Variants in ELF1 observed in about 807,000 individuals in gnomAD.
ELF1 encodes the protein ETS-related transcription factor Elf-1.
A neutral mutation model predicts 59.9 loss-of-function variants in ELF1; 24 were observed. That is an observed-to-expected ratio of 0.40 (90% CI 0.29 to 0.56). The LOEUF is 0.56. Among genes scored for constraint, ELF1 ranks in the 20% least tolerant of loss-of-function variants. The pLI is 0.44. For missense variants in ELF1, 627 were observed against 742.2 expected, an observed-to-expected ratio of 0.84 and a Z score of 1.80; for synonymous variants, 248 against 266.2, an observed-to-expected ratio of 0.93 and a Z score of 0.67.
intron 1 of ELF1, among the ~76,000 whole-genome samples, chr13:41,017,631 G>A (rs1284979732): frequency 6.6e-6 from 1 of 151,794 alleles, no homozygotes; most frequent in East Asian, 1.9e-4. Flanking sequence ...TCTCTATCAC[G>A]TAAGAAAATA....
At chr13:40,953,774 T>A (rs1871017808) in intron 3 of ELF1, among the ~76,000 whole-genome samples, 1 of 152,202 alleles carries the variant, frequency 6.6e-6, no homozygotes, top group Non-Finnish European at 1.5e-5. Context: ...TAACGAAGAT[T>A]ACAAGGTTCT....
intron 2 of ELF1, among the ~76,000 whole-genome samples, chr13:40,969,877 A>AG (rs1872417933): frequency 5.0e-4 from 2 of 3,988 alleles, no homozygotes; most frequent in African/African-American, 6.2e-4. Flanking sequence ...CTAATTTTTA[A>AG]ATTTTTTGTA....
chr13:40,962,727 T>C (rs1229155083), intron 2 of ELF1, among the ~76,000 whole-genome samples: 4 of 150,888 alleles, frequency 2.7e-5, no homozygotes, highest in African/African-American at 9.7e-5. Flanking sequence ...GACACATGGT[T>C]CTGTGATTTA....
At chr13:40,944,511 C>T (rs979585031) in intron 5 of ELF1, among the ~76,000 whole-genome samples, 13 of 152,166 alleles carry the variant, frequency 8.5e-5, no homozygotes, top group African/African-American at 3.1e-4. Context: ...AAAAACATCT[C>T]GTTTTTCTGT....
chr13:41,007,706 A>G (rs1874832373), intron 1 of ELF1, among the ~76,000 whole-genome samples: 1 of 152,206 alleles, frequency 6.6e-6, no homozygotes, highest in Admixed American at 6.5e-5. Context: ...AAACTTTAAT[A>G]AAAGTATATT....
intron 2 of ELF1, among the ~76,000 whole-genome samples, chr13:40,963,184 GA>G (rs1323520118): frequency 6.6e-6 from 1 of 152,178 alleles, no homozygotes; most frequent in African/African-American, 2.4e-5. Flanking sequence ...AACCTAACTT[GA>G]ACTGACTCCA....
intron 1 of ELF1, among the ~76,000 whole-genome samples, chr13:41,060,605 C>T (rs945586007): frequency 6.6e-6 from 1 of 152,098 alleles, no homozygotes; most frequent in South Asian, 2.1e-4. Flanking sequence ...CAGCTCCTGG[C>T]GCCACTAACT....
chr13:40,951,283 A>C (rs1362168444), intron 4 of ELF1, 46 bp downstream of exon 4: 2 of 1,416,366 alleles, frequency 1.4e-6, no homozygotes, highest in Non-Finnish European at 2.0e-6. Flanking sequence ...AGATGGCAAG[A>C]GTAACTTAAC....
chr13:40,945,178 TA>T (rs896077059), intron 5 of ELF1, among the ~76,000 whole-genome samples: 5 of 151,914 alleles, frequency 3.3e-5, no homozygotes, highest in East Asian at 1.9e-4. Flanking sequence ...TATACCAGCT[TA>T]AAAAAAATAG....
At chr13:40,980,445 CATAA>C (rs371426805) in intron 2 of ELF1, among the ~76,000 whole-genome samples, 3 of 152,248 alleles carry the variant, frequency 2.0e-5, no homozygotes, top group African/African-American at 7.2e-5. Context: ...TTTCCAAAAA[CATAA>C]ATAACCTCTG....
At chr13:41,027,848 A>C (rs1451418367) in intron 1 of ELF1, among the ~76,000 whole-genome samples, 2 of 152,232 alleles carry the variant, frequency 1.3e-5, no homozygotes, top group Non-Finnish European at 2.9e-5. Flanking sequence ...CTAGCTTGAC[A>C]GGATGGTGAA....
At chr13:41,030,699 C>G (rs1593403781) in intron 1 of ELF1, among the ~76,000 whole-genome samples, 1 of 151,204 alleles carries the variant, frequency 6.6e-6, no homozygotes, top group Non-Finnish European at 1.5e-5. Context: ...TGCAGTGAAC[C>G]GTGATCATGC....
At chr13:41,001,659 A>G (rs559018857) in intron 1 of ELF1, among the ~76,000 whole-genome samples, 2 of 152,328 alleles carry the variant, frequency 1.3e-5, no homozygotes, top group Admixed American at 1.3e-4. Flanking sequence ...CATAGGGCTT[A>G]GAATCTAGTG....
chr13:40,994,288 T>C (rs1412060402), intron 1 of ELF1, among the ~76,000 whole-genome samples: 1 of 152,184 alleles, frequency 6.6e-6, no homozygotes, highest in African/African-American at 2.4e-5. Flanking sequence ...TCCATACCTG[T>C]GGTCTCAAGT....
exon 1 of ELF1, chr13:41,060,914 TGCC>T (rs60249003): frequency 0.04 from 13,618 of 344,636 alleles, 722 homozygotes; most frequent in African/African-American, 0.087. Flanking sequence ...AAGCTGCTGC[TGCC>T]GCCGCCGCCG....
intron 1 of ELF1, among the ~76,000 whole-genome samples, chr13:40,985,479 A>T (rs984896011): frequency 6.6e-6 from 1 of 152,208 alleles, no homozygotes; most frequent in Non-Finnish European, 1.5e-5. Context: ...CTAAAACTGT[A>T]ATATACAGCT....
intron 1 of ELF1, among the ~76,000 whole-genome samples, chr13:41,000,237 C>CTTTTTTTTTT (rs55938711): frequency 1.8e-5 from 1 of 54,752 alleles, no homozygotes; most frequent in African/African-American, 7.7e-5. Context: ...TTGAACCTGG[C>CTTTTTTTTTT]TTTTTTTTTT....
chr13:41,043,776 G>A (rs1876723684), intron 1 of ELF1, among the ~76,000 whole-genome samples: 1 of 152,172 alleles, frequency 6.6e-6, no homozygotes, highest in South Asian at 2.1e-4. Flanking sequence ...GATTGACTTG[G>A]CAATGTGGGC....
intron 2 of ELF1, among the ~76,000 whole-genome samples, chr13:40,978,440 G>A (rs1873053095): frequency 2.0e-5 from 3 of 151,598 alleles, no homozygotes; most frequent in South Asian, 2.1e-4. Flanking sequence ...AGGAGTGACA[G>A]GAGTGAAGAG....
Sources: allele counts gnomAD v4.1 joint callset (sites outside exome capture counted in the v4.1 genomes callset), GRCh38; gene constraint gnomAD v4.1.1; transcripts MANE v1.5; gene names NCBI Gene and HGNC (gene_info 2026-07-23, HGNC 2026-07-21).